TTYH2: variants seen among roughly 807,000 people sequenced by gnomAD.
TTYH2 encodes the protein protein tweety homolog 2.
In TTYH2, 49 loss-of-function variants were observed where a neutral mutation model predicts 68.3. The ratio of observed to expected loss-of-function variants is 0.72; its 90% CI spans 0.57 to 0.91. TTYH2 has a LOEUF of 0.91. Ranked by LOEUF, TTYH2 falls within the 40% of genes least tolerant of loss-of-function variation. The probability of loss-of-function intolerance (pLI) is 0.00; values close to 1 mark genes in which losing one functional copy is unlikely to be tolerated. For missense variants in TTYH2, 631 were observed against 700.4 expected, an observed-to-expected ratio of 0.90 and a Z score of 1.12; for synonymous variants, 272 against 300.8, an observed-to-expected ratio of 0.90 and a Z score of 0.99.
In TTYH2 at chr17:74,237,500, C is replaced by T. The variant is rs201966623; in HGVS notation, c.621C>T (p.Tyr207=). ...CCAAGCTATCCGACCAGACTGGCTA[C>T]GTGGAGTACTACAGGTGAAGGACCG... The part of the protein sequence containing the change: ...ELTKLSDQTG[Y]VEYYRWLSYL... Residue 207 remains tyrosine (Y), a synonymous_variant, in exon 4 of 14, where the codon TAC becomes TAT. Transcript: ENST00000269346. 124 of 1,611,772 alleles carry T rather than the reference C, an allele frequency of 7.7e-5. 2 individuals carry two copies. The Admixed American group carries it at 1.3e-3, about 16-fold the overall frequency.
chr17:74,237,630 T>C lies in TTYH2; in HGVS notation c.635+116T>C, dbSNP rs535834451. ...AGGGCCACTGGAAAGTATTTTTTTT[T>C]TGTTTTGTTTTTTTAAGACAGAGTC... On this transcript the variant is annotated intron_variant, in intron 4 of 13. Transcript: ENST00000269346. 7 of 955,254 alleles carry C rather than the reference T, an allele frequency of 7.3e-6. No individual in the cohort carries two copies. The East Asian group carries it at 1.9e-4, about 26-fold the overall frequency. The allele number at this position is 955,254 out of a possible 1,614,324, so 59.2% of individuals were successfully genotyped here. A position where few individuals can be genotyped will look rare whatever the true frequency, so the allele number is the denominator to read the frequency against.
intron 2 of TTYH2, among the ~76,000 whole-genome samples, chr17:74,226,103 C>T (rs551379410): frequency 8.5e-5 from 13 of 152,232 alleles, no homozygotes; most frequent in Middle Eastern, 6.8e-3. Context: ...GGCAGGGAAC[C>T]GGGAAGAGAA....
chr17:74,236,735 T>G, intron 3 of TTYH2, among the ~76,000 whole-genome samples: 1 of 152,138 alleles, frequency 6.6e-6, no homozygotes, highest in East Asian at 1.9e-4. Context: ...AGATCCTGTT[T>G]AAGGCCAGGT....
chr17:74,240,734 G>A (rs572978354), intron 4 of TTYH2: 3 of 152,342 alleles, frequency 2.0e-5, no homozygotes, highest in African/African-American at 7.2e-5. Flanking sequence ...CTACGGTTGA[G>A]GGAAGAGGGA....
Position 74,248,313 on chromosome 17 carries a change from G to T in TTYH2, c.805-698G>T, listed in dbSNP as rs904161362. On this transcript the variant is annotated intron_variant, in intron 6 of 13. Coordinates refer to ENST00000269346, the MANE Select transcript of TTYH2 (RefSeq NM_032646.6). ...GCTTGGAGGCCATGTCCTTGCTGCC[G>T]CCTCTCCTGGGGCCTGCGTCTGCTC... The T allele has an allele frequency of 7.1e-6, 7 of 985,684 alleles. No individual in the cohort carries two copies. In the East Asian group the frequency reaches 5.7e-4, roughly 80 times the overall value. The allele number at this position is 985,684 out of a possible 1,614,324, so 61.1% of individuals were successfully genotyped here.
intron 13 of TTYH2, among the ~76,000 whole-genome samples, chr17:74,259,121 G>A (rs909752311): frequency 3.3e-5 from 5 of 152,170 alleles, no homozygotes; most frequent in African/African-American, 9.7e-5. Context: ...ACTGGGTCAT[G>A]CTCCTCCAAC....
chr17:74,256,734 C>T (rs1447285569), intron 13 of TTYH2, among the ~76,000 whole-genome samples: 1 of 152,214 alleles, frequency 6.6e-6, no homozygotes, highest in Non-Finnish European at 1.5e-5. Flanking sequence ...CTGCATCCTC[C>T]ACCTCCTGAG....
At chr17:74,243,001 G>T (rs920763655) in intron 4 of TTYH2, among the ~76,000 whole-genome samples, 8 of 150,120 alleles carry the variant, frequency 5.3e-5, no homozygotes, top group Non-Finnish European at 4.4e-5. Context: ...AGTTTAAAAT[G>T]TATTTCTTCA....
chr17:74,253,299 C>T, intron 12 of TTYH2, 33 bp downstream of exon 12: 1 of 1,543,400 alleles, frequency 6.5e-7, no homozygotes, highest in Non-Finnish European at 8.7e-7. Context: ...GGCTGGGTAG[C>T]ACTGCCCGGA....
chr17:74,253,823 C>T lies in TTYH2; in HGVS notation c.1514C>T (p.Pro505Leu), dbSNP rs779829814. 6.2e-7 allele frequency: 1 copy of T among 1,614,234 alleles called. No individual in the cohort carries two copies. Among genetic ancestry groups the T allele is most frequent in the Non-Finnish European group, 8.5e-7 (1 of 1,180,038 alleles). The part of the protein sequence containing the change: ...ENVPLIGRAS[P>L]PPTYSPSMRA... ...GTGCCACTAATCGGGAGAGCCTCCCCTCCGCCTACGGTAATTGGGGCTCTG... is the reference window on the plus strand; with the variant it reads ...GTGCCACTAATCGGGAGAGCCTCCCTTCCGCCTACGGTAATTGGGGCTCTG... Residue 505 changes from proline to leucine, a missense_variant, in exon 13 of 14, where the codon CCT (proline) becomes CTT (leucine). Coordinates refer to ENST00000269346, the MANE Select transcript of TTYH2 (RefSeq NM_032646.6).
At chr17:74,252,659 C>A (rs759941314) in intron 11 of TTYH2, among the ~76,000 whole-genome samples, 3 of 152,230 alleles carry the variant, frequency 2.0e-5, no homozygotes, top group African/African-American at 7.2e-5. Flanking sequence ...TCTCTTCTCA[C>A]CAGGACTTTG....
chr17:74,229,685 G>GA (rs34038757), intron 2 of TTYH2, among the ~76,000 whole-genome samples: 1 of 152,032 alleles, frequency 6.6e-6, no homozygotes, highest in Non-Finnish European at 1.5e-5. Context: ...ATTCAGCACT[G>GA]AAAAAAATGA....
Position 74,217,382 on chromosome 17 carries a change from C to T in TTYH2, c.129+3666C>T, listed in dbSNP as rs944967912. 2.0e-5 allele frequency among the ~76,000 whole-genome samples: 3 copies of T among 152,122 alleles called. No individual in the cohort carries two copies. The highest frequency in any genetic ancestry group is 4.4e-5 in the Non-Finnish European group (3 of 68,022). ...TGTTCTCTCATTGGTTGGTTCCGTT[C>T]ATAGATTCGCCAAAGTACAAAGTGG... On this transcript the variant is annotated intron_variant, in intron 1 of 13. Coordinates refer to ENST00000269346, the MANE Select transcript of TTYH2 (RefSeq NM_032646.6). The surrounding 1 kb of genome is among the most constrained non-coding windows in gnomAD (Gnocchi z 4.0).
In TTYH2 at chr17:74,239,638, C is replaced by T. The variant is rs976515827; in HGVS notation, c.635+2124C>T. On this transcript the variant is annotated intron_variant, in intron 4 of 13. Coordinates refer to ENST00000269346, the MANE Select transcript of TTYH2 (RefSeq NM_032646.6). This position sits in a 1 kb window ranked among gnomAD's most constrained non-coding sequence, Gnocchi z 5.3. ...CCCAGCTCTGGGGGTCCTCCCCACA[C>T]CTTGCCTCCCCAGCCCGTCCAGTCC... 2.0e-5 allele frequency among the ~76,000 whole-genome samples: 3 copies of T among 152,178 alleles called. No individual in the cohort carries two copies. Among genetic ancestry groups the T allele is most frequent in the South Asian group, 2.1e-4 (1 of 4,832 alleles).
chr17:74,246,868 C>A, intron 6 of TTYH2, among the ~76,000 whole-genome samples: 1 of 152,032 alleles, frequency 6.6e-6, no homozygotes. Flanking sequence ...AGGACGTATG[C>A]AGGGAAACTC....
intron 4 of TTYH2, among the ~76,000 whole-genome samples, chr17:74,237,883 T>C (rs1402531058): frequency 6.6e-6 from 1 of 152,210 alleles, no homozygotes; most frequent in Non-Finnish European, 1.5e-5. Context: ...TCCACTGGCC[T>C]CAGCCTCCCA....
Position 74,215,380 on chromosome 17 carries a change from CCAA to C in TTYH2, c.129+1667_129+1669del, listed in dbSNP as rs2050212700. On this transcript the variant is annotated intron_variant, in intron 1 of 13. Transcript: ENST00000269346. The surrounding 1 kb of genome is among the most constrained non-coding windows in gnomAD (Gnocchi z 4.3). ...GGCCCCAGAGACAGTTCCTATCAGC[CCAA>C]CAGCTGTGGCTGGTGGATCCTGGGC... is the stretch of plus-strand genomic sequence containing the variant. Among the ~76,000 whole-genome samples the C allele has an allele frequency of 6.6e-6, 1 of 152,158 alleles. No homozygotes were observed. The highest frequency in any genetic ancestry group is 1.5e-5 in the Non-Finnish European group (1 of 68,022).
At position 74,249,270 on chromosome 17, in the gene TTYH2, C is replaced by G. The variant is rs550067515; in HGVS notation, c.875-74C>G. On this transcript the variant is annotated intron_variant, in intron 7 of 13. Transcript: ENST00000269346. ...CTCAGGGACGGGGAGGGAGGTCTGGCTTGGCCACCAAGGATGATAGAGATC... is the reference window on the plus strand; with the variant it reads ...CTCAGGGACGGGGAGGGAGGTCTGGGTTGGCCACCAAGGATGATAGAGATC... 2.5e-6 allele frequency: 4 copies of G among 1,601,714 alleles called. No individual in the cohort carries two copies. In the East Asian group the frequency reaches 8.9e-5, roughly 36 times the overall value.
chr17:74,251,974 T>G lies in TTYH2; in HGVS notation c.1117-260T>G, dbSNP rs574180324. ...TCTGGTTCCCCACCCTGCAACCTCC[T>G]CCGCCCTGTTCAGAGCCAGCTTCTT... On this transcript the variant is annotated intron_variant, in intron 10 of 13. Coordinates refer to ENST00000269346, the MANE Select transcript of TTYH2 (RefSeq NM_032646.6). 10 of 480,824 alleles carry G rather than the reference T, an allele frequency of 2.1e-5. No homozygotes were observed. The East Asian group carries it at 3.5e-4, about 17-fold the overall frequency. 29.8% of individuals were successfully genotyped at this position (480,824 alleles called of 1,614,324 possible).
Sources: gnomAD v4.1 joint callset for allele counts (sites outside exome capture counted in the v4.1 genomes callset) on GRCh38, gnomAD v4.1.1 for gene constraint, Gnocchi (gnomAD v3.1) non-coding constraint, MANE v1.5 for transcripts, NCBI Gene and HGNC (gene_info 2026-07-23, HGNC 2026-07-21) for gene names.